ZSWIM6: variants seen among roughly 807,000 people sequenced by gnomAD.
ZSWIM6 encodes the protein zinc finger SWIM-type containing 6, also known as zinc finger SWIM domain-containing protein 6.
In ZSWIM6, 9 loss-of-function variants were observed where a neutral mutation model predicts 113.2. The observed-to-expected ratio is 0.08, with a 90% CI of 0.05 to 0.14. The LOEUF is 0.14. Among genes scored for constraint, ZSWIM6 ranks in the 10% least tolerant of loss-of-function variants. The pLI, the probability that ZSWIM6 is intolerant of heterozygous loss-of-function variation, is 1.00. For missense variants in ZSWIM6, 1,162 were observed against 1,552.2 expected, an observed-to-expected ratio of 0.75 and a Z score of 4.22; for synonymous variants, 611 against 606.5, an observed-to-expected ratio of 1.01 and a Z score of -0.11.
At position 61,544,083 on chromosome 5, in the gene ZSWIM6, G is replaced by A; in HGVS notation, c.3414G>A (p.Leu1138=). The A allele has an allele frequency of 6.4e-7, 1 of 1,551,954 alleles. No individual in the cohort carries two copies. The highest frequency in any genetic ancestry group is 8.7e-7 in the Non-Finnish European group (1 of 1,147,040). The part of the protein sequence containing the change: ...GKLMSLDKAP[L]RQLLDATIGA... The stretch of plus-strand genomic sequence containing the variant: ...TCATGTCACTGGACAAAGCCCCCTT[G>A]AGGCAACTCTTGGATGCCACGATCG... The change falls in exon 14 of 14, where the codon TTG becomes TTA. Residue 1138 remains leucine (L), a synonymous_variant. Coordinates refer to ENST00000252744, the MANE Select transcript of ZSWIM6 (RefSeq NM_020928.2).
intron 1 of ZSWIM6, among the ~76,000 whole-genome samples, chr5:61,407,603 C>G (rs991669097): frequency 2.6e-5 from 4 of 152,078 alleles, no homozygotes; most frequent in African/African-American, 9.7e-5. Context: ...ACACAAAACA[C>G]TGCTTTTCGA....
intron 1 of ZSWIM6, among the ~76,000 whole-genome samples, chr5:61,421,747 T>G (rs1160345134): frequency 6.6e-6 from 1 of 152,254 alleles, no homozygotes; most frequent in Non-Finnish European, 1.5e-5. Flanking sequence ...TTTCTGTTAC[T>G]GCATTAGTTT....
rs1194009730 is a variant in ZSWIM6, at chr5:61,332,424, C to T, written c.152C>T (p.Ala51Val). The T allele has an allele frequency of 3.2e-5, 31 of 975,414 alleles. No individual in the cohort carries two copies. Among genetic ancestry groups the T allele is most frequent in the African/African-American group, 3.6e-5 (2 of 55,574 alleles). The allele number at this position is 975,414 out of a possible 1,614,324, so 60.4% of individuals were successfully genotyped here. A position where few individuals can be genotyped will look rare whatever the true frequency, so the allele number is the denominator to read the frequency against. The change falls in exon 1 of 14, where the codon GCG (alanine) becomes GTG (valine). Residue 51 changes from alanine (A) to valine (V), a missense_variant. Coordinates refer to ENST00000252744, the MANE Select transcript of ZSWIM6 (RefSeq NM_020928.2). The part of the protein sequence containing the change: ...ACRPGPRAGG[A>V]AAAAACGGGA... The stretch of plus-strand genomic sequence containing the variant: ...CGGCCAGGCCCGCGGGCGGGTGGCG[C>T]GGCGGCGGCGGCGGCGTGCGGGGGC...
intron 9 of ZSWIM6, among the ~76,000 whole-genome samples, chr5:61,534,401 TAACC>T (rs997986394): frequency 2.0e-5 from 3 of 152,200 alleles, no homozygotes; most frequent in African/African-American, 7.2e-5. Context: ...ATTGTGCTCA[TAACC>T]AACCACCAGT....
At chr5:61,458,902 AG>A (rs1044653358) in intron 1 of ZSWIM6, among the ~76,000 whole-genome samples, 1 of 151,732 alleles carries the variant, frequency 6.6e-6, no homozygotes, top group African/African-American at 2.4e-5. Flanking sequence ...AAAAAAAAAA[AG>A]GAGGCCAAAG....
chr5:61,399,190 G>A (rs1745898889), intron 1 of ZSWIM6, among the ~76,000 whole-genome samples: 1 of 150,590 alleles, frequency 6.6e-6, no homozygotes, highest in South Asian at 2.1e-4. Flanking sequence ...CTCCCAAAGG[G>A]CTGGGATTAC....
chr5:61,423,103 T>C (rs1193629832), intron 1 of ZSWIM6, among the ~76,000 whole-genome samples: 2 of 152,162 alleles, frequency 1.3e-5, no homozygotes, highest in African/African-American at 4.8e-5. Context: ...CTTCCAGTAT[T>C]ATGTTGAATA....
chr5:61,384,938 T>TAGTC (rs1185375059), intron 1 of ZSWIM6, among the ~76,000 whole-genome samples: 2 of 152,118 alleles, frequency 1.3e-5, no homozygotes, highest in African/African-American at 4.8e-5. Flanking sequence ...CAGGCACCTG[T>TAGTC]AGTCCCAGCT....
chr5:61,482,483 A>G (rs577231494), intron 2 of ZSWIM6, among the ~76,000 whole-genome samples: 1 of 152,336 alleles, frequency 6.6e-6, no homozygotes, highest in Non-Finnish European at 1.5e-5. Context: ...CAGAACTTAC[A>G]GTAAAAATAA....
chr5:61,467,142 G>A (rs565565498), intron 1 of ZSWIM6, among the ~76,000 whole-genome samples: 4 of 151,920 alleles, frequency 2.6e-5, no homozygotes, highest in Non-Finnish European at 2.9e-5. Context: ...TCAACTTTCT[G>A]GTATCACTCT....
intron 4 of ZSWIM6, among the ~76,000 whole-genome samples, chr5:61,519,684 A>G (rs746350230): frequency 1.4e-4 from 22 of 152,130 alleles, no homozygotes; most frequent in Non-Finnish European, 2.4e-4. Context: ...TGTGGCTTAG[A>G]TGGGTTGTGG....
Position 61,531,622 on chromosome 5 carries a change from A to C in ZSWIM6, c.2142A>C (p.Lys714Asn). The C allele has an allele frequency of 6.4e-7, 1 of 1,551,696 alleles. No individual in the cohort carries two copies. The highest frequency in any genetic ancestry group is 1.2e-5 in the South Asian group (1 of 84,058). Residue 714 changes from lysine to asparagine, a missense_variant, in exon 9 of 14, where the codon AAA becomes AAC. Physicochemically the swap from Lys to Asn is moderately conservative, Grantham distance 94. Transcript: ENST00000252744. The stretch of plus-strand genomic sequence containing the variant: ...CTGATGGGCTGTACACACAAGAGAA[A>C]GTTTGCCGGAATGAGGAGCAGCTCA... Reference protein sequence around the residue: ...IMPDGLYTQEKVCRNEEQLIS... With the variant: ...IMPDGLYTQENVCRNEEQLIS...
chr5:61,510,136 T>C (rs1244036471), intron 4 of ZSWIM6, among the ~76,000 whole-genome samples: 1 of 151,542 alleles, frequency 6.6e-6, no homozygotes, highest in Non-Finnish European at 1.5e-5. Flanking sequence ...TGGTAATCCA[T>C]ATCTTAACCT....
chr5:61,461,984 C>A (rs535620154), intron 1 of ZSWIM6, among the ~76,000 whole-genome samples: 2 of 152,212 alleles, frequency 1.3e-5, no homozygotes, highest in African/African-American at 4.8e-5. Context: ...CCTCACTGTT[C>A]TTAAAGCGTA....
intron 1 of ZSWIM6, among the ~76,000 whole-genome samples, chr5:61,425,193 A>C (rs1004613704): frequency 2.5e-4 from 38 of 152,208 alleles, no homozygotes; most frequent in African/African-American, 8.9e-4. Flanking sequence ...AGGAAGAAAA[A>C]ATATTGTCCA....
intron 1 of ZSWIM6, among the ~76,000 whole-genome samples, chr5:61,436,990 C>T (rs1317048381): frequency 6.6e-6 from 1 of 152,190 alleles, no homozygotes; most frequent in Non-Finnish European, 1.5e-5. Context: ...ATTCTTCGAT[C>T]TTGCCCTTCC....
At chr5:61,511,285 A>G (rs545055911) in intron 4 of ZSWIM6, among the ~76,000 whole-genome samples, 1 of 152,158 alleles carries the variant, frequency 6.6e-6, no homozygotes, top group Non-Finnish European at 1.5e-5. Context: ...AAATTTTCTA[A>G]TTAGAGAAAT....
chr5:61,498,163 G>A (rs1748371416), intron 4 of ZSWIM6, among the ~76,000 whole-genome samples: 1 of 152,176 alleles, frequency 6.6e-6, no homozygotes, highest in Non-Finnish European at 1.5e-5. Context: ...AGAGGAAACA[G>A]TTAAATAACA....
At chr5:61,427,580 C>T (rs563267118) in intron 1 of ZSWIM6, among the ~76,000 whole-genome samples, 48 of 152,150 alleles carry the variant, frequency 3.2e-4, no homozygotes, top group African/African-American at 1.2e-3. Context: ...ATGAGATCCA[C>T]AGATCCTCCT....
Sources: gnomAD v4.1 joint callset for allele counts (sites outside exome capture counted in the v4.1 genomes callset) on GRCh38, gnomAD v4.1.1 for gene constraint, MANE v1.5 for transcripts, NCBI Gene and HGNC (gene_info 2026-07-23, HGNC 2026-07-21) for gene names.